TSNAX: variants seen among roughly 807,000 people sequenced by gnomAD.
TSNAX encodes translin associated factor X.
Under a neutral mutation model 33.0 loss-of-function variants are expected in TSNAX, and 12 were observed. The ratio of observed to expected loss-of-function variants is 0.36; its 90% CI spans 0.23 to 0.59. The LOEUF (loss-of-function observed/expected upper bound fraction) is 0.59. TSNAX is among the 20% of genes least tolerant of loss of function. The probability of loss-of-function intolerance (pLI) is 0.74; values close to 1 mark genes in which losing one functional copy is unlikely to be tolerated. For synonymous variants in TSNAX, 110 were observed against 117.2 expected (o/e 0.94, Z 0.40); for missense variants, 267 against 341.3 (o/e 0.78, Z 1.72).
intron 4 of TSNAX, among the ~76,000 whole-genome samples, chr1:231,557,144 G>A (rs565895741): frequency 1.3e-5 from 2 of 152,256 alleles, no homozygotes; most frequent in African/African-American, 2.4e-5. Flanking sequence ...TGATTTTGAG[G>A]TATCTTTGGT....
chr1:231,533,608 A>G (rs1658936804), intron 2 of TSNAX, among the ~76,000 whole-genome samples: 1 of 152,242 alleles, frequency 6.6e-6, no homozygotes, highest in African/African-American at 2.4e-5. Flanking sequence ...TTTTAAATTT[A>G]TTTTGAGGTA....
At chr1:231,547,665 A>G (rs1660018297) in intron 4 of TSNAX, among the ~76,000 whole-genome samples, 1 of 152,048 alleles carries the variant, frequency 6.6e-6, no homozygotes, top group African/African-American at 2.4e-5. Flanking sequence ...TGCTGGGATT[A>G]CAGGCCTGAG....
intron 5 of TSNAX, chr1:231,563,733 C>T (rs918158257): frequency 6.7e-6 from 1 of 148,728 alleles, no homozygotes; most frequent in Admixed American, 6.8e-5. Context: ...GACCAGGTCA[C>T]TGAAATTGGG....
chr1:231,542,973 T>TC (rs1462966130), intron 4 of TSNAX: 2 of 154,832 alleles, frequency 1.3e-5, no homozygotes, highest in Non-Finnish European at 2.9e-5. Flanking sequence ...GGTCAGGAGT[T>TC]CGAGACCAGC....
chr1:231,564,458 ACT>A, intron 5 of TSNAX, 68 bp from the exon 6 acceptor site: 1 of 1,528,878 alleles, frequency 6.5e-7, no homozygotes, highest in Non-Finnish European at 8.8e-7. Context: ...TGCTATATTC[ACT>A]CTTTTTCACA....
chr1:231,559,860 A>T (rs1660932627), intron 4 of TSNAX, among the ~76,000 whole-genome samples: 2 of 151,652 alleles, frequency 1.3e-5, no homozygotes, highest in Admixed American at 6.5e-5. Context: ...GGAGTTATCT[A>T]GTCTTAGATC....
chr1:231,554,606 A>G (rs1305705104), intron 4 of TSNAX: 1 of 152,240 alleles, frequency 6.6e-6, no homozygotes, highest in Non-Finnish European at 1.5e-5. Context: ...TAAAACATTT[A>G]AACTATTGTT....
At chr1:231,533,843 A>G (rs887083818) in intron 2 of TSNAX, among the ~76,000 whole-genome samples, 2 of 152,244 alleles carry the variant, frequency 1.3e-5, no homozygotes, top group Non-Finnish European at 2.9e-5. Context: ...ACTTCAGAAT[A>G]TATTTCCTAG....
intron 4 of TSNAX, among the ~76,000 whole-genome samples, chr1:231,551,750 T>C (rs1218333915): frequency 1.3e-5 from 2 of 150,204 alleles, no homozygotes; most frequent in African/African-American, 4.9e-5. Flanking sequence ...GGAGGATCAC[T>C]TGAGACCAGT....
At chr1:231,529,492 A>G in intron 2 of TSNAX, 133 bp downstream of exon 2, 1 of 797,526 alleles carries the variant, frequency 1.3e-6, no homozygotes, top group Non-Finnish European at 2.0e-6. Context: ...CGCTAGATGT[A>G]CCCTAAAAGT....
chr1:231,551,228 A>T (rs2124924502), intron 4 of TSNAX, among the ~76,000 whole-genome samples: 1 of 152,326 alleles, frequency 6.6e-6, no homozygotes, highest in South Asian at 2.1e-4. Flanking sequence ...GTCCTTTGGT[A>T]TTAGGAAAGT....
At chr1:231,545,856 T>C (rs1659873999) in intron 4 of TSNAX, among the ~76,000 whole-genome samples, 1 of 152,222 alleles carries the variant, frequency 6.6e-6, no homozygotes, top group African/African-American at 2.4e-5. Flanking sequence ...ATCATAGATA[T>C]TTTTACCACT....
At chr1:231,541,873 T>C (rs775291219) in intron 3 of TSNAX, among the ~76,000 whole-genome samples, 8 of 152,204 alleles carry the variant, frequency 5.3e-5, no homozygotes, top group Non-Finnish European at 7.3e-5. Flanking sequence ...GTTGCTTCTA[T>C]AAATCTCTGA....
chr1:231,539,298 C>T lies in TSNAX; in HGVS notation c.236+1971C>T, dbSNP rs1365645412. Among the ~76,000 whole-genome samples the T allele has an allele frequency of 2.0e-5, 3 of 152,060 alleles. 1 individual carries two copies. Among genetic ancestry groups the T allele is most frequent in the Admixed American group, 6.6e-5 (1 of 15,250 alleles). Reference sequence around the variant, plus strand: ...AAGCAATAATATAAAGAAAAACATACAGATTGAGTATCCTAAATGCTTGGG... The same window carrying T: ...AAGCAATAATATAAAGAAAAACATATAGATTGAGTATCCTAAATGCTTGGG... On this transcript the variant is annotated intron_variant, in intron 3 of 5. Coordinates refer to ENST00000366639, the MANE Select transcript of TSNAX (RefSeq NM_005999.3).
At chr1:231,559,963 A>AATT (rs1279104097) in intron 4 of TSNAX, among the ~76,000 whole-genome samples, 39 of 148,956 alleles carry the variant, frequency 2.6e-4, no homozygotes, top group East Asian at 1.2e-3. Flanking sequence ...GAAAGATCCA[A>AATT]ATTATTATTA....
rs150740057 is a variant in TSNAX, at chr1:231,552,209, A to G, written c.368-8919A>G. ...CTGAGGCAGGAGAGAGAATCACTTGAACCCAGGTGGCAGAGGTTGCAGTGA... is the reference window on the plus strand; with the variant it reads ...CTGAGGCAGGAGAGAGAATCACTTGGACCCAGGTGGCAGAGGTTGCAGTGA... On this transcript the variant is annotated intron_variant, in intron 4 of 5. Transcript: ENST00000366639. Among the ~76,000 whole-genome samples, 921 of 152,240 alleles carry G rather than the reference A, an allele frequency of 6.0e-3. 9 individuals are homozygous for G. Among genetic ancestry groups the G allele is most frequent in the African/African-American group, 0.021 (875 of 41,528 alleles).
chr1:231,562,968 C>T (rs898312867), intron 5 of TSNAX, among the ~76,000 whole-genome samples: 3 of 152,106 alleles, frequency 2.0e-5, no homozygotes, highest in African/African-American at 7.2e-5. Flanking sequence ...TTTCTCGGAC[C>T]TCATTTCTCA....
intron 4 of TSNAX, among the ~76,000 whole-genome samples, chr1:231,548,940 C>T (rs966802912): frequency 6.6e-6 from 1 of 152,160 alleles, no homozygotes; most frequent in Non-Finnish European, 1.5e-5. Context: ...AATAATATCC[C>T]TGAATAATCA....
chr1:231,530,010 T>G (rs183840989), intron 2 of TSNAX, among the ~76,000 whole-genome samples: 1 of 152,336 alleles, frequency 6.6e-6, no homozygotes, highest in East Asian at 1.9e-4. Context: ...GGCTGAAGGA[T>G]CTACAGCTGT....
Sources: allele counts gnomAD v4.1 joint callset (sites outside exome capture counted in the v4.1 genomes callset), GRCh38; gene constraint gnomAD v4.1.1; transcripts MANE v1.5; gene names NCBI Gene and HGNC (gene_info 2026-07-23, HGNC 2026-07-21).